The following NCOA2 variants were observed in gnomAD, a reference collection of about 807,000 sequenced individuals.
The protein encoded by NCOA2 is nuclear receptor coactivator 2.
Under a neutral mutation model 145.1 loss-of-function variants are expected in NCOA2, and 21 were observed. That is an observed-to-expected ratio of 0.14 (90% CI 0.10 to 0.21). NCOA2 has a LOEUF of 0.21. NCOA2 is among the 10% of genes least tolerant of loss of function. NCOA2 has a pLI of 1.00. For missense variants in NCOA2, 1,472 were observed against 1,837.6 expected (o/e 0.80, Z 3.64); for synonymous variants, 619 against 637.5 (o/e 0.97, Z 0.44).
At chr8:70,430,447 C>T in the NCOA2 span, among the ~76,000 whole-genome samples, 1 of 152,154 alleles carries the variant, frequency 6.6e-6, no homozygotes, top group South Asian at 2.1e-4. Context: ...CAGTTAATTA[C>T]AGTGGGTAAA....
intron 4 of NCOA2, among the ~76,000 whole-genome samples, chr8:70,204,869 G>A (rs570557562): frequency 6.6e-6 from 1 of 152,274 alleles, no homozygotes; most frequent in Admixed American, 6.5e-5. Context: ...GTGCATGACT[G>A]TAGTGGTGCA....
intron 2 of NCOA2, among the ~76,000 whole-genome samples, chr8:70,241,762 C>T (rs1015129989): frequency 3.9e-5 from 6 of 152,132 alleles, no homozygotes; most frequent in Admixed American, 1.3e-4. Context: ...GTCTCCATCT[C>T]CCAACTGTGA....
At chr8:70,371,503 A>AT (rs557653387) in intron 1 of NCOA2, among the ~76,000 whole-genome samples, 88 of 152,300 alleles carry the variant, frequency 5.8e-4, no homozygotes, top group Admixed American at 1.2e-3. Context: ...TATTTAACAT[A>AT]TATATAGCCT....
At chr8:70,329,151 G>A (rs1806857830) in intron 1 of NCOA2, among the ~76,000 whole-genome samples, 1 of 151,928 alleles carries the variant, frequency 6.6e-6, no homozygotes, top group African/African-American at 2.4e-5. Context: ...TTGAGACAGG[G>A]TCTCACTCTG....
At chr8:70,174,888 G>A in intron 4 of NCOA2, 29 bp from the exon 5 acceptor site, 2 of 1,567,786 alleles carry the variant, frequency 1.3e-6, no homozygotes, top group South Asian at 2.2e-5. Context: ...TGAATTAAAT[G>A]GCAGTGCTAT....
intron 1 of NCOA2, among the ~76,000 whole-genome samples, chr8:70,302,811 C>G (rs1260496615): frequency 6.6e-6 from 1 of 151,912 alleles, no homozygotes; most frequent in Non-Finnish European, 1.5e-5. Flanking sequence ...TTCATCCTCA[C>G]TAAATGTAAA....
chr8:70,166,230 C>A (rs1180616838), intron 7 of NCOA2, among the ~76,000 whole-genome samples: 1 of 152,080 alleles, frequency 6.6e-6, no homozygotes, highest in East Asian at 1.9e-4. Context: ...GTACAGTAGC[C>A]GCTAACTGCA....
At chr8:70,207,930 T>C (rs1818632750) in intron 4 of NCOA2, among the ~76,000 whole-genome samples, 2 of 142,960 alleles carry the variant, frequency 1.4e-5, no homozygotes, top group African/African-American at 2.6e-5. Flanking sequence ...AAATGAATAG[T>C]GCTACTTCAG....
At position 70,156,177 on chromosome 8, in the gene NCOA2, T is replaced by C. The variant is rs571953210; in HGVS notation, c.2188A>G (p.Ile730Val). The C allele has an allele frequency of 6.2e-6, 10 of 1,613,950 alleles. No homozygotes were observed. The African/African-American group carries it at 1.2e-4, about 19-fold the overall frequency. ...SSTAPGSEVT[I>V]KQEPVSPKKK... The stretch of plus-strand genomic sequence containing the variant: ...TTGGGGCTCACCGGCTCTTGTTTAA[T>C]AGTCACTTCTGATCCAGGAGCTGTG... The change falls in exon 11 of 23, where the codon ATT (isoleucine) becomes GTT (valine). Residue 730 changes from isoleucine (I) to valine (V), a missense_variant. By Grantham distance (29) the Ile-to-Val change is conservative (BLOSUM62 3). Transcript: ENST00000452400.
At chr8:70,313,969 G>A (rs1805334338) in intron 1 of NCOA2, among the ~76,000 whole-genome samples, 1 of 151,790 alleles carries the variant, frequency 6.6e-6, no homozygotes, top group Admixed American at 6.6e-5. Context: ...AGGAGATGAA[G>A]ACCATCCTGG....
intron 1 of NCOA2, among the ~76,000 whole-genome samples, chr8:70,394,715 T>G (rs77574330): frequency 0.029 from 4,369 of 152,290 alleles, 211 homozygotes; most frequent in African/African-American, 0.1. Flanking sequence ...TTGATGGCTT[T>G]AATCACCATT....
rs117787905 is a variant in NCOA2 at position 70,269,591 on chromosome 8, G to A, written c.-20+27153C>T. ...GCTTAGTATAGTCAAAACAATGATG[G>A]TAGCACTAAGCTAATAAATACAGGA... is the stretch of plus-strand genomic sequence containing the variant. On this transcript the variant is annotated intron_variant, in intron 2 of 22. Transcript: ENST00000452400. 9.3e-4 allele frequency among the ~76,000 whole-genome samples: 142 copies of A among 152,286 alleles called. No homozygotes were observed. The East Asian group carries it at 0.025, about 27-fold the overall frequency.
chr8:70,163,918 T>C (rs1458883086), intron 7 of NCOA2, among the ~76,000 whole-genome samples: 2 of 152,198 alleles, frequency 1.3e-5, no homozygotes, highest in South Asian at 2.1e-4. Flanking sequence ...AAATGGCTGA[T>C]AGAAAACCAG....
intron 11 of NCOA2, among the ~76,000 whole-genome samples, chr8:70,154,256 T>A (rs1301998892): frequency 6.6e-6 from 1 of 152,206 alleles, no homozygotes; most frequent in Non-Finnish European, 1.5e-5. Context: ...GCTTCTTCAC[T>A]TCTTAACCAA....
chr8:70,160,582 A>G (rs563664862), intron 9 of NCOA2, among the ~76,000 whole-genome samples: 2 of 151,720 alleles, frequency 1.3e-5, no homozygotes, highest in East Asian at 3.9e-4. Context: ...CCTCAGCACA[A>G]ATTTTGTGGG....
At chr8:70,147,125 C>CGTGT (rs376791787) in intron 12 of NCOA2, among the ~76,000 whole-genome samples, 116 of 145,400 alleles carry the variant, frequency 8.0e-4, no homozygotes, top group South Asian at 3.0e-3. Context: ...CGCGCGCGCG[C>CGTGT]GCGTGTGTGT....
chr8:70,395,205 G>A (rs761565105), intron 1 of NCOA2, among the ~76,000 whole-genome samples: 1 of 152,164 alleles, frequency 6.6e-6, no homozygotes, highest in Non-Finnish European at 1.5e-5. Flanking sequence ...ATGTGCAAAG[G>A]TTCATACCCA....
intron 1 of NCOA2, among the ~76,000 whole-genome samples, chr8:70,383,327 A>G (rs1812381593): frequency 6.6e-6 from 1 of 152,196 alleles, no homozygotes; most frequent in Admixed American, 6.5e-5. Flanking sequence ...CTTGACCTAT[A>G]ATTACTCATT....
At chr8:70,167,054 CT>C (rs1813693065) in intron 6 of NCOA2, among the ~76,000 whole-genome samples, 1 of 152,258 alleles carries the variant, frequency 6.6e-6, no homozygotes, top group South Asian at 2.1e-4. Flanking sequence ...TTTACCCTGA[CT>C]CCTTCCCTTC....
Sources: gnomAD v4.1 joint callset for allele counts (sites outside exome capture counted in the v4.1 genomes callset) on GRCh38, gnomAD v4.1.1 for gene constraint, MANE v1.5 for transcripts, NCBI Gene and HGNC (gene_info 2026-07-23, HGNC 2026-07-21) for gene names.